The following DHX37 variants were observed in gnomAD, a reference collection of about 807,000 sequenced individuals.
DHX37 encodes the protein probable ATP-dependent RNA helicase DHX37.
In DHX37, 52 loss-of-function variants were observed where a neutral mutation model predicts 134.3. That is an observed-to-expected ratio of 0.39 (90% CI 0.31 to 0.49). The LOEUF (loss-of-function observed/expected upper bound fraction) is 0.49. Ranked by LOEUF, DHX37 falls within the 20% of genes least tolerant of loss-of-function variation. DHX37 has a pLI of 0.93. For synonymous variants in DHX37, 634 were observed against 670.7 expected, an observed-to-expected ratio of 0.95 and a Z score of 0.85; for missense variants, 1,344 against 1,580.8, an observed-to-expected ratio of 0.85 and a Z score of 2.54.
chr12:124,969,002 AG>A, intron 8 of DHX37, 34 bp from the exon 9 acceptor site: 1 of 1,599,588 alleles, frequency 6.3e-7, no homozygotes, highest in Non-Finnish European at 8.5e-7. Context: ...CCGTGGCCCC[AG>A]GACCGCAGGT....
At chr12:124,987,298 A>C (rs1040916786) in intron 1 of DHX37, among the ~76,000 whole-genome samples, 13 of 152,042 alleles carry the variant, frequency 8.6e-5, no homozygotes, top group Non-Finnish European at 1.3e-4. Context: ...AGCAGAGATC[A>C]CGCCACTGCA....
intron 20 of DHX37, 178 bp from the exon 21 acceptor site, chr12:124,952,748 G>A (rs7960694): frequency 0.58 from 280,269 of 481,322 alleles, 84,622 homozygotes; most frequent in East Asian, 0.82. Flanking sequence ...GATTGCAGCC[G>A]CCCCCCCATT....
intron 4 of DHX37, among the ~76,000 whole-genome samples, chr12:124,977,930 A>T (rs1954678278): frequency 6.6e-6 from 1 of 152,182 alleles, no homozygotes. Context: ...ATTTTATATC[A>T]TGACTCAGTA....
Position 124,949,238 on chromosome 12 carries a change from G to T in DHX37, c.3290+748C>A, listed in dbSNP as rs1333607597. On this transcript the variant is annotated intron_variant, in intron 25 of 26. Transcript: ENST00000308736. This position sits in a 1 kb window ranked among gnomAD's most constrained non-coding sequence, Gnocchi z 4.0. ...TGAGTGACTGACACGGCTCCTGACAGCCCAGCAGCGGGTGCTGTGCCCCAC... is the reference window on the plus strand; with the variant it reads ...TGAGTGACTGACACGGCTCCTGACATCCCAGCAGCGGGTGCTGTGCCCCAC... Among the ~76,000 whole-genome samples the T allele has an allele frequency of 2.0e-5, 3 of 152,196 alleles. No individual in the cohort carries two copies. Among genetic ancestry groups the T allele is most frequent in the African/African-American group, 7.2e-5 (3 of 41,442 alleles).
At chr12:124,983,158 G>A (rs1178849321) in intron 2 of DHX37, among the ~76,000 whole-genome samples, 2 of 152,074 alleles carry the variant, frequency 1.3e-5, no homozygotes, top group Non-Finnish European at 2.9e-5. Flanking sequence ...ACCCAGGCTG[G>A]AGTGCAGTGG....
At position 124,947,114 on chromosome 12, in the gene DHX37, C is replaced by CA. The variant is rs1953892076; in HGVS notation, c.*687_*688insT. 6.6e-6 allele frequency: 1 copy of CA among 152,002 alleles called. No individual in the cohort carries two copies. Among genetic ancestry groups the CA allele is most frequent in the Non-Finnish European group, 1.5e-5 (1 of 68,004 alleles). The allele number at this position is 152,002 out of a possible 1,614,324, so 9.4% of individuals were successfully genotyped here. On this transcript the variant is annotated 3_prime_UTR_variant, in exon 27 of 27. Transcript: ENST00000308736. ...CCCCGTTCAAGGCCAACATAATAGT[C>CA]GTGTGGCCCCAGCCCAGCTAGGCGC...
rs527353879 is a variant in DHX37, at chr12:124,973,914, A to C, written c.981-1315T>G. Among the ~76,000 whole-genome samples the C allele has an allele frequency of 1.9e-3, 293 of 150,628 alleles. 1 individual carries two copies. The highest frequency in any genetic ancestry group is 6.9e-3 in the African/African-American group (284 of 40,948). On this transcript the variant is annotated intron_variant, in intron 6 of 26. Transcript: ENST00000308736. ...TGCCTCGGCCTCCCAAAGTCCTGGGATTACAGGCGTGAGCCGCCGTGCCCA... is the reference window on the plus strand; with the variant it reads ...TGCCTCGGCCTCCCAAAGTCCTGGGCTTACAGGCGTGAGCCGCCGTGCCCA...
chr12:124,958,277 C>G (rs953370270), intron 16 of DHX37, among the ~76,000 whole-genome samples: 1 of 152,126 alleles, frequency 6.6e-6, no homozygotes, highest in African/African-American at 2.4e-5. Flanking sequence ...GCAGCAGGCA[C>G]GCAGGTAAGG....
intron 10 of DHX37, among the ~76,000 whole-genome samples, chr12:124,967,979 G>A (rs1026430931): frequency 6.6e-6 from 1 of 152,088 alleles, no homozygotes; most frequent in Non-Finnish European, 1.5e-5. Flanking sequence ...TACTTGGGAG[G>A]CTGAGGCAGG....
rs776239184 is a variant in DHX37, at chr12:124,950,238, C to T, written c.3127G>A (p.Val1043Met). The T allele has an allele frequency of 6.2e-6, 10 of 1,613,498 alleles. No individual in the cohort carries two copies. In the East Asian group the frequency reaches 6.7e-5, roughly 11 times the overall value. Residue 1043 changes from valine to methionine, a missense_variant, in exon 24 of 27, where the codon GTG becomes ATG. Physicochemically the swap from Val to Met is conservative, Grantham distance 21 (BLOSUM62 1). This residue lies in a region of DHX37 where 558 missense variants were observed against 650.0 expected (regional missense o/e 0.86). Transcript: ENST00000308736. ...TCGATGGCGGGGAGCGGCCAGCCCACGCGATCTAGAAGGTGGGAGCCAGTG... is the reference window on the plus strand; with the variant it reads ...TCGATGGCGGGGAGCGGCCAGCCCATGCGATCTAGAAGGTGGGAGCCAGTG... ...LCHRASVFYR[V>M]GWPLPAIEVD... is the part of the protein sequence containing the mutation.
intron 16 of DHX37, among the ~76,000 whole-genome samples, chr12:124,959,897 C>T (rs1954193226): frequency 6.6e-6 from 1 of 152,224 alleles, no homozygotes. Flanking sequence ...CACAGGACAG[C>T]ACGCAGCGTG....
In DHX37 at chr12:124,957,097, T is replaced by C; in HGVS notation, c.2196A>G (p.Glu732=). 6.7e-7 allele frequency: 1 copy of C among 1,496,426 alleles called. No homozygotes were observed. The highest frequency in any genetic ancestry group is 2.5e-5 in the Admixed American group (1 of 40,682). The allele number at this position is 1,496,426 out of a possible 1,614,324, so 92.7% of individuals were successfully genotyped here. A position where few individuals can be genotyped will look rare whatever the true frequency, so the allele number is the denominator to read the frequency against. ...ACAGCTCCTCGGCGGCAAGAAGGGCTTCCACGGAGGGGGGCGTCGGGAAGG... is the reference window on the plus strand; with the variant it reads ...ACAGCTCCTCGGCGGCAAGAAGGGCCTCCACGGAGGGGGGCGTCGGGAAGG... ...NFPFPTPPSV[E]ALLAAEELLI... The change falls in exon 17 of 27, where the codon GAA becomes GAG. Residue 732 remains glutamate (E), a synonymous_variant. Transcript: ENST00000308736.
chr12:124,955,367 G>A (rs1174853673), intron 18 of DHX37, among the ~76,000 whole-genome samples: 1 of 152,192 alleles, frequency 6.6e-6, no homozygotes, highest in African/African-American at 2.4e-5. Flanking sequence ...TGGGCCTTCA[G>A]ACCCCAACTG....
rs1954617459 is a variant in DHX37 at position 124,975,434 on chromosome 12, A to C, written c.965T>G (p.Met322Arg). The change falls in exon 6 of 27, where the codon ATG (methionine) becomes AGG (arginine). Residue 322 changes from methionine to arginine, a missense_variant. By Grantham distance (91) the Met-to-Arg change is moderately conservative (BLOSUM62 -1). This residue lies in a region of DHX37 where 32 missense variants were observed against 28.9 expected (regional missense o/e 1.11). Transcript: ENST00000308736. ...GAGCCCTCACCGCTGGGACAGATTC[A>C]TCTCCTTGGCCACTCGCTGGGACAT... ...VAMSQRVAKE[M>R]NLSQRVVSYQ... 1 of 1,612,870 alleles carries C rather than the reference A, an allele frequency of 6.2e-7. No individual in the cohort carries two copies. Among genetic ancestry groups the C allele is most frequent in the South Asian group, 1.1e-5 (1 of 91,084 alleles).
intron 15 of DHX37, among the ~76,000 whole-genome samples, chr12:124,963,435 T>C (rs1158823900): frequency 1.3e-5 from 2 of 152,170 alleles, no homozygotes; most frequent in Non-Finnish European, 2.9e-5. Context: ...ATTGTGGTGA[T>C]GGTTGCACAA....
intron 13 of DHX37, 158 bp from the exon 14 acceptor site, chr12:124,965,164 G>C (rs1954355020): frequency 2.9e-6 from 1 of 340,190 alleles, no homozygotes; most frequent in Non-Finnish European, 4.2e-6. Flanking sequence ...GCCAAGCCTG[G>C]GGGAACTGCT....
In DHX37 at chr12:124,980,629, G is replaced by A. The variant is rs569712705; in HGVS notation, c.599C>T (p.Pro200Leu). The change falls in exon 4 of 27, where the codon CCG (proline) becomes CTG (leucine). Residue 200 changes from proline (P) to leucine (L), a missense_variant. Physicochemically the swap from Pro to Leu is moderately conservative, Grantham distance 98. Coordinates refer to ENST00000308736, the MANE Select transcript of DHX37 (RefSeq NM_032656.4). The surrounding 1 kb of genome is among the most constrained non-coding windows in gnomAD (Gnocchi z 5.3). ...AGVGTTVAPL[P>L]PAPAPSSQPV... is the part of the protein sequence containing the mutation. ...CTGACTGCTGGGTGCTGGAGCTGGCGGCAGAGGTGCCACGGTGGTCCCCAC... is the reference window on the plus strand; with the variant it reads ...CTGACTGCTGGGTGCTGGAGCTGGCAGCAGAGGTGCCACGGTGGTCCCCAC... 3.1e-5 allele frequency: 50 copies of A among 1,608,058 alleles called. No homozygotes were observed. The highest frequency in any genetic ancestry group is 6.7e-5 in the African/African-American group (5 of 74,958).
chr12:124,986,316 C>G (rs1466727760), intron 1 of DHX37, 51 bp from the exon 2 acceptor site: 1 of 1,592,436 alleles, frequency 6.3e-7, no homozygotes. Flanking sequence ...TAGCTCTGGT[C>G]CCGCCTCCCA....
Position 124,949,964 on chromosome 12 carries a change from A to C in DHX37, c.3290+22T>G. 6.3e-7 allele frequency: 1 copy of C among 1,595,966 alleles called. No individual in the cohort carries two copies. Among genetic ancestry groups the C allele is most frequent in the Non-Finnish European group, 8.6e-7 (1 of 1,169,460 alleles). ...CCTCGGACCCCTCCTGCCCACTGCGAGGCTCCCACCGAAGGCAGTACCTGG... is the reference window on the plus strand; with the variant it reads ...CCTCGGACCCCTCCTGCCCACTGCGCGGCTCCCACCGAAGGCAGTACCTGG... On this transcript the variant is annotated intron_variant, in intron 25 of 26. Coordinates refer to ENST00000308736, the MANE Select transcript of DHX37 (RefSeq NM_032656.4). This position sits in a 1 kb window ranked among gnomAD's most constrained non-coding sequence, Gnocchi z 4.0.
Sources: gnomAD v4.1 joint callset for allele counts (sites outside exome capture counted in the v4.1 genomes callset) on GRCh38, gnomAD v4.1.1 for gene constraint, gnomAD v4.1.1 regional missense constraint, Gnocchi (gnomAD v3.1) non-coding constraint, MANE v1.5 for transcripts, NCBI Gene and HGNC (gene_info 2026-07-23, HGNC 2026-07-21) for gene names.